Variants in F3 observed in about 807,000 individuals in gnomAD.
The protein encoded by F3 is coagulation factor III, tissue factor.
F3 carries 18 observed loss-of-function variants against 33.5 expected under a neutral mutation model. The ratio of observed to expected loss-of-function variants is 0.54; its 90% confidence interval spans 0.37 to 0.80. The LOEUF (loss-of-function observed/expected upper bound fraction) is 0.80, where lower values mean the gene tolerates loss of function less well. Among genes scored for constraint, F3 ranks in the 30% least tolerant of loss-of-function variants. The probability of loss-of-function intolerance (pLI) is 0.00; values close to 1 mark genes in which losing one functional copy is unlikely to be tolerated. For synonymous variants in F3, 147 were observed against 140.7 expected (o/e 1.05, Z -0.32); for missense variants, 353 against 362.1 (o/e 0.97, Z 0.20).
intron 2 of F3, among the ~76,000 whole-genome samples, chr1:94,537,952 A>G (rs1337600354): frequency 6.6e-6 from 1 of 152,194 alleles, no homozygotes; most frequent in Non-Finnish European, 1.5e-5. Flanking sequence ...TCTATGTAAC[A>G]TAGAGATACA....
chr1:94,529,651 A>G lies in F3; in HGVS notation c.*809T>C, dbSNP rs1212046462. On this transcript the variant is annotated 3_prime_UTR_variant, in exon 6 of 6. Coordinates refer to ENST00000334047, the MANE Select transcript of F3 (RefSeq NM_001993.5). Reference sequence around the variant, plus strand: ...ATACAAAGTTTGCCAATTGTTTTGAATTTCCAAATGTATTCCTGAAAAAAA... The same window carrying G: ...ATACAAAGTTTGCCAATTGTTTTGAGTTTCCAAATGTATTCCTGAAAAAAA... 6.6e-6 allele frequency: 1 copy of G among 152,322 alleles called. No individual in the cohort carries two copies. The highest frequency in any genetic ancestry group is 2.4e-5 in the African/African-American group (1 of 41,240). The allele number at this position is 152,322 out of a possible 1,614,324, so 9.4% of individuals were successfully genotyped here.
chr1:94,537,017 G>T (rs3917613), intron 2 of F3, among the ~76,000 whole-genome samples: 1 of 152,084 alleles, frequency 6.6e-6, no homozygotes, highest in African/African-American at 2.4e-5. Context: ...CATATCTAAC[G>T]AGTGGCAGAG....
intron 5 of F3, among the ~76,000 whole-genome samples, chr1:94,531,247 A>C (rs766442712): frequency 1.3e-5 from 2 of 152,120 alleles, no homozygotes; most frequent in Non-Finnish European, 2.9e-5. Context: ...GTGTTTTAAA[A>C]TGTTCAAATA....
chr1:94,541,620 C>T lies in F3; in HGVS notation c.17G>A (p.Trp6Ter). The T allele has an allele frequency of 6.9e-7, 1 of 1,442,070 alleles. No homozygotes were observed. Among genetic ancestry groups the T allele is most frequent in the Non-Finnish European group, 9.1e-7 (1 of 1,094,964 alleles). 89.3% of individuals were successfully genotyped at this position (1,442,070 alleles called of 1,614,324 possible). A position where few individuals can be genotyped will look rare whatever the true frequency, so the allele number is the denominator to read the frequency against. The part of the protein sequence containing the change: METPA[W>*]PRVPRPETAV... Reference sequence around the variant, plus strand: ...GGTCTCGGGGCGCGGGACCCGGGGCCAGGCAGGGGTCTCCATGTCTACCAG... The same window carrying T: ...GGTCTCGGGGCGCGGGACCCGGGGCTAGGCAGGGGTCTCCATGTCTACCAG... Residue 6 changes from tryptophan to a stop codon, truncating the protein, a stop_gained, in exon 1 of 6, where the codon TGG becomes TAG. Transcript: ENST00000334047. LOFTEE classifies it high-confidence loss of function.
intron 3 of F3, among the ~76,000 whole-genome samples, chr1:94,534,293 C>T (rs1339584717): frequency 6.6e-6 from 1 of 152,152 alleles, no homozygotes; most frequent in African/African-American, 2.4e-5. Context: ...ATTGGTAAGG[C>T]TGCAGTCAAC....
rs989914810 is a variant in F3, at chr1:94,536,071, C to T, written c.306G>A (p.Thr102=). ...GGTAGGAGAAGACCCGTGCCAAGTA[C>T]GTCTGCTTCACATCCTTCACAATCT... ...TDEIVKDVKQ[T]YLARVFSYPA... The change falls in exon 3 of 6, where the codon ACG becomes ACA. Residue 102 remains threonine (T), a synonymous_variant. Coordinates refer to ENST00000334047, the MANE Select transcript of F3 (RefSeq NM_001993.5). The T allele has an allele frequency of 5.0e-6, 8 of 1,614,064 alleles. No individual in the cohort carries two copies. Among genetic ancestry groups the T allele is most frequent in the East Asian group, 4.5e-5 (2 of 44,892 alleles).
In F3 at chr1:94,530,145, T is replaced by C. The variant is rs949651540; in HGVS notation, c.*315A>G. 13 of 198,820 alleles carry C rather than the reference T, an allele frequency of 6.5e-5. No individual in the cohort carries two copies. The highest frequency in any genetic ancestry group is 1.0e-4 in the Non-Finnish European group (10 of 98,914). 12.3% of individuals were successfully genotyped at this position (198,820 alleles called of 1,614,324 possible). A position where few individuals can be genotyped will look rare whatever the true frequency, so the allele number is the denominator to read the frequency against. On this transcript the variant is annotated 3_prime_UTR_variant, in exon 6 of 6. Coordinates refer to ENST00000334047, the MANE Select transcript of F3 (RefSeq NM_001993.5). ...ATTTTTTAAGACATTTTCCCATTTGTTTTTGCTTGGACGACCTGGTTACTC... is the reference window on the plus strand; with the variant it reads ...ATTTTTTAAGACATTTTCCCATTTGCTTTTGCTTGGACGACCTGGTTACTC...
rs142194248 is a variant in F3 at position 94,538,152 on chromosome 1, G to A, written c.213-1988C>T. 3.2e-3 allele frequency among the ~76,000 whole-genome samples: 485 copies of A among 152,270 alleles called. 2 individuals are homozygous for A. The highest frequency in any genetic ancestry group is 0.011 in the African/African-American group (472 of 41,558). On this transcript the variant is annotated intron_variant, in intron 2 of 5. Coordinates refer to ENST00000334047, the MANE Select transcript of F3 (RefSeq NM_001993.5). ...TTAAAAGCCTCCAAGGTTCCTCCAG[G>A]CATTGCAAAACCCTCTGATTTGGAA...
chr1:94,533,008 T>C (rs1651476986), intron 4 of F3, 82 bp downstream of exon 4: 1 of 1,393,474 alleles, frequency 7.2e-7, no homozygotes, highest in Non-Finnish European at 9.9e-7. Flanking sequence ...CTGCTATTTT[T>C]GAATTGGGGA....
rs1651593944 is a variant in F3, at chr1:94,536,039, C to T, written c.338G>A (p.Gly113Glu). The T allele has an allele frequency of 1.2e-6, 2 of 1,614,138 alleles. No individual in the cohort carries two copies. Among genetic ancestry groups the T allele is most frequent in the Non-Finnish European group, 8.5e-7 (1 of 1,180,030 alleles). Residue 113 changes from glycine to glutamate, a missense_variant, in exon 3 of 6, where the codon GGG (glycine) becomes GAG (glutamate). Physicochemically the swap from Gly to Glu is moderately conservative, Grantham distance 98. Coordinates refer to ENST00000334047, the MANE Select transcript of F3 (RefSeq NM_001993.5). Reference sequence around the variant, plus strand: ...AGCAGAACCGGTGCTCTCCACATTCCCTGCCGGGTAGGAGAAGACCCGTGC... The same window carrying T: ...AGCAGAACCGGTGCTCTCCACATTCTCTGCCGGGTAGGAGAAGACCCGTGC... ...YLARVFSYPA[G>E]NVESTGSAGE... is the part of the protein sequence containing the mutation.
intron 5 of F3, among the ~76,000 whole-genome samples, chr1:94,530,837 A>G (rs1033270768): frequency 6.6e-6 from 1 of 152,218 alleles, no homozygotes; most frequent in African/African-American, 2.4e-5. Context: ...CACAGTCCAG[A>G]AAAGATATGT....
At chr1:94,535,370 G>A (rs1199442443) in intron 3 of F3, among the ~76,000 whole-genome samples, 2 of 152,140 alleles carry the variant, frequency 1.3e-5, no homozygotes, top group Admixed American at 1.3e-4. Context: ...CAAAGGCTGA[G>A]GAGGAAAGTA....
At position 94,533,241 on chromosome 1, in the gene F3, C is replaced by A; in HGVS notation, c.440G>T (p.Ser147Ile). Residue 147 changes from serine to isoleucine, a missense_variant, in exon 4 of 6, where the codon AGT becomes ATT. Ser to Ile is a moderately radical substitution (Grantham distance 142). Coordinates refer to ENST00000334047, the MANE Select transcript of F3 (RefSeq NM_001993.5). ...ETNLGQPTIQ[S>I]FEQVGTKVNV... ...CACTTTTGTTCCCACCTGTTCAAAA[C>A]TCTGAATTGTTGGCTGTCCGAGGTT... The A allele has an allele frequency of 6.2e-7, 1 of 1,612,984 alleles. No individual in the cohort carries two copies. The highest frequency in any genetic ancestry group is 8.5e-7 in the Non-Finnish European group (1 of 1,179,798).
rs1050955964 is a variant in F3, at chr1:94,537,524, T to C, written c.213-1360A>G. 9.2e-5 allele frequency among the ~76,000 whole-genome samples: 14 copies of C among 152,326 alleles called. No individual in the cohort carries two copies. In the South Asian group the frequency reaches 2.5e-3, roughly 27 times the overall value. On this transcript the variant is annotated intron_variant, in intron 2 of 5. Transcript: ENST00000334047. ...GGCTGCATGCCCTTGTGTGCCCCCA[T>C]TAAGCAGCAGGGCTATAGGGTCTCG...
At position 94,532,302 on chromosome 1, in the gene F3, G is replaced by T; in HGVS notation, c.751+19C>A. 1 of 1,612,424 alleles carries T rather than the reference G, an allele frequency of 6.2e-7. No individual in the cohort carries two copies. The highest frequency in any genetic ancestry group is 8.5e-7 in the Non-Finnish European group (1 of 1,179,186). The stretch of plus-strand genomic sequence containing the variant: ...ACAGCACCCATACCCCCAGGCAAAT[G>T]GCTGGCAGAGCCACTCACCTCTGAA... On this transcript the variant is annotated intron_variant, in intron 5 of 5. Transcript: ENST00000334047.
intron 2 of F3, among the ~76,000 whole-genome samples, chr1:94,536,538 G>GA (rs1651614973): frequency 6.6e-6 from 1 of 152,110 alleles, no homozygotes; most frequent in African/African-American, 2.4e-5. Flanking sequence ...GTGAGATTGG[G>GA]TGACTAGCTC....
At chr1:94,533,478 C>A (rs1651496188) in intron 3 of F3, among the ~76,000 whole-genome samples, 1 of 152,118 alleles carries the variant, frequency 6.6e-6, no homozygotes, top group Non-Finnish European at 1.5e-5. Context: ...AATGGAGCCT[C>A]AGATGTCATT....
At chr1:94,541,491 C>T (rs1482542899) in intron 1 of F3, 46 bp downstream of exon 1, 2 of 1,386,504 alleles carry the variant, frequency 1.4e-6, no homozygotes, top group Non-Finnish European at 9.5e-7. Flanking sequence ...TCGCCTCCCT[C>T]CTGCGTGTGG....
chr1:94,532,113 G>A (rs1354872079), intron 5 of F3, among the ~76,000 whole-genome samples: 1 of 152,210 alleles, frequency 6.6e-6, no homozygotes, highest in African/African-American at 2.4e-5. Context: ...AATCAACACA[G>A]AAACATTTCT....
Sources: allele counts gnomAD v4.1 joint callset (sites outside exome capture counted in the v4.1 genomes callset), GRCh38; gene constraint gnomAD v4.1.1; transcripts MANE v1.5; gene names NCBI Gene and HGNC (gene_info 2026-07-23, HGNC 2026-07-21).